GALNT13: variants seen among roughly 807,000 people sequenced by gnomAD.
GALNT13 encodes UDP-GalNAc:polypeptide N-acetylgalactosaminyltransferase 13.
Under a neutral mutation model 64.2 loss-of-function variants are expected in GALNT13, and 28 were observed. That is an observed-to-expected ratio of 0.44 (90% CI 0.32 to 0.60). The LOEUF (loss-of-function observed/expected upper bound fraction) is 0.60. Among genes scored for constraint, GALNT13 ranks in the 20% least tolerant of loss-of-function variants. The pLI is 0.05. For missense variants in GALNT13, 577 were observed against 669.8 expected, an observed-to-expected ratio of 0.86 and a Z score of 1.53; for synonymous variants, 214 against 224.6, an observed-to-expected ratio of 0.95 and a Z score of 0.42.
intron 4 of GALNT13, among the ~76,000 whole-genome samples, chr2:154,160,293 A>G (rs1367859516): frequency 1.3e-5 from 2 of 152,148 alleles, no homozygotes; most frequent in African/African-American, 4.8e-5. Context: ...CAGCAGACCA[A>G]TGACTCCCAC....
the GALNT13 span, chr2:153,478,119 G>C: frequency 1.2e-6 from 1 of 807,330 alleles, no homozygotes; most frequent in Non-Finnish European, 1.9e-6. Context: ...GGCCGAAGTC[G>C]AGAGAAATAA....
At chr2:154,375,285 G>A (rs1697921778) in intron 9 of GALNT13, among the ~76,000 whole-genome samples, 1 of 152,078 alleles carries the variant, frequency 6.6e-6, no homozygotes, top group South Asian at 2.1e-4. Context: ...ACCGCATCCA[G>A]CCAGAAAAAA....
chr2:153,727,290 G>T, the GALNT13 span, among the ~76,000 whole-genome samples: 2 of 152,144 alleles, frequency 1.3e-5, no homozygotes, highest in Non-Finnish European at 2.9e-5. Flanking sequence ...CAAAAGGTTT[G>T]TGAGATTTGT....
At chr2:153,437,924 ATGGTCTT>A in the GALNT13 span, among the ~76,000 whole-genome samples, 1 of 152,174 alleles carries the variant, frequency 6.6e-6, no homozygotes, top group African/African-American at 2.4e-5. Context: ...CCTAGCCTCG[ATGGTCTT>A]TACAATTGGC....
chr2:153,803,702 A>AAAG, the GALNT13 span, among the ~76,000 whole-genome samples: 2 of 150,658 alleles, frequency 1.3e-5, no homozygotes, highest in African/African-American at 4.9e-5. Context: ...AAAAAAAAAA[A>AAAG]AAAAAAGAAA....
At chr2:153,776,941 A>C in the GALNT13 span, among the ~76,000 whole-genome samples, 6 of 152,176 alleles carry the variant, frequency 3.9e-5, no homozygotes, top group Non-Finnish European at 5.9e-5. Context: ...GAACAGGGGA[A>C]TCTCATGGTG....
intron 3 of GALNT13, among the ~76,000 whole-genome samples, chr2:153,956,414 C>CT (rs1692573862): frequency 6.6e-6 from 1 of 152,148 alleles, no homozygotes; most frequent in Non-Finnish European, 1.5e-5. Flanking sequence ...AGACAGTTTC[C>CT]TTTTAATACT....
intron 4 of GALNT13, among the ~76,000 whole-genome samples, chr2:154,232,483 A>G (rs1688968254): frequency 6.6e-6 from 1 of 152,138 alleles, no homozygotes; most frequent in Non-Finnish European, 1.5e-5. Context: ...CTTTATATCT[A>G]AGTCCTATTT....
intron 4 of GALNT13, among the ~76,000 whole-genome samples, chr2:154,177,654 A>G (rs1166675550): frequency 1.3e-5 from 2 of 152,230 alleles, no homozygotes; most frequent in Non-Finnish European, 2.9e-5. Context: ...GATACTGTGC[A>G]GTAGGAATAG....
At position 154,415,498 on chromosome 2, in the gene GALNT13, A is replaced by G. The variant is rs535734155; in HGVS notation, c.1395+6416A>G. ...TTATTGCGGTAAATGATTCAGAGCT[A>G]TTTTTCAAGGTAGCAAGCCTTTAAG... On this transcript the variant is annotated intron_variant, in intron 11 of 12. Coordinates refer to ENST00000392825, the MANE Select transcript of GALNT13 (RefSeq NM_052917.4). 9.9e-5 allele frequency among the ~76,000 whole-genome samples: 15 copies of G among 152,180 alleles called. No individual in the cohort carries two copies. The South Asian group carries it at 3.1e-3, about 32-fold the overall frequency.
At chr2:153,805,160 A>G in the GALNT13 span, among the ~76,000 whole-genome samples, 1 of 151,956 alleles carries the variant, frequency 6.6e-6, no homozygotes, top group African/African-American at 2.4e-5. Context: ...AGGTTTGAGG[A>G]GGAAATGAGA....
At chr2:153,817,205 C>T in the GALNT13 span, among the ~76,000 whole-genome samples, 1 of 152,208 alleles carries the variant, frequency 6.6e-6, no homozygotes, top group African/African-American at 2.4e-5. Flanking sequence ...GGATGTTCAT[C>T]AGGACCATCT....
rs60950180 is a variant in GALNT13 at position 154,014,635 on chromosome 2, C to CTTTTTTTTTTTTTTTTTTTTTTT, written c.142+70011_142+70012insTTTTTTTTTTTTTTTTTTTTTTT. ...ACTTTTTGTCTTTCTGATAATTCTC[C>CTTTTTTTTTTTTTTTTTTTTTTT]TTTTTTTTTTTTTTTGAGACGGAGT... On this transcript the variant is annotated intron_variant, in intron 3 of 12. Coordinates refer to ENST00000392825, the MANE Select transcript of GALNT13 (RefSeq NM_052917.4). Among the ~76,000 whole-genome samples the CTTTTTTTTTTTTTTTTTTTTTTT allele has an allele frequency of 1.3e-4, 10 of 77,226 alleles. 1 individual carries two copies. The highest frequency in any genetic ancestry group is 2.3e-4 in the African/African-American group (5 of 21,984). The allele number at this position is 77,226 out of a possible 152,430, so 50.7% of individuals were successfully genotyped here.
chr2:153,696,879 A>C, the GALNT13 span, among the ~76,000 whole-genome samples: 2 of 152,154 alleles, frequency 1.3e-5, no homozygotes, highest in South Asian at 4.1e-4. Context: ...TGTAAATGTG[A>C]GATCTACATT....
At chr2:154,396,362 G>C (rs2105363345) in intron 10 of GALNT13, among the ~76,000 whole-genome samples, 1 of 152,042 alleles carries the variant, frequency 6.6e-6, no homozygotes, top group African/African-American at 2.4e-5. Context: ...CAGTTCTAAA[G>C]CTTTTGGTCA....
chr2:154,262,268 G>C (rs1690738781), intron 8 of GALNT13, among the ~76,000 whole-genome samples: 2 of 152,212 alleles, frequency 1.3e-5, no homozygotes, highest in Middle Eastern at 3.4e-3. Flanking sequence ...ATACCATACT[G>C]TTACCTCCTC....
At chr2:154,340,645 T>C (rs1459047343) in intron 9 of GALNT13, among the ~76,000 whole-genome samples, 13 of 152,138 alleles carry the variant, frequency 8.5e-5, no homozygotes, top group Non-Finnish European at 1.5e-5. Context: ...CATCCTAAAT[T>C]TAGATTCAGA....
chr2:153,551,956 G>A, the GALNT13 span, among the ~76,000 whole-genome samples: 19 of 152,272 alleles, frequency 1.2e-4, no homozygotes, highest in East Asian at 5.8e-4. Context: ...GGATTGTGGC[G>A]TGAGTAAAAT....
chr2:153,927,011 T>C (rs777783767), intron 2 of GALNT13, among the ~76,000 whole-genome samples: 2 of 152,076 alleles, frequency 1.3e-5, no homozygotes, highest in Admixed American at 6.6e-5. Flanking sequence ...TAAGTAGACA[T>C]TGCAATTTTT....
Sources: allele counts gnomAD v4.1 joint callset (sites outside exome capture counted in the v4.1 genomes callset), GRCh38; gene constraint gnomAD v4.1.1; transcripts MANE v1.5; gene names NCBI Gene and HGNC (gene_info 2026-07-23, HGNC 2026-07-21).